Variants in DIXDC1 observed in about 807,000 individuals in gnomAD.
The protein encoded by DIXDC1 is DIX domain containing 1.
A neutral mutation model predicts 103.1 loss-of-function variants in DIXDC1; 64 were observed. The ratio of observed to expected loss-of-function variants is 0.62; its 90% confidence interval spans 0.51 to 0.76. The LOEUF is 0.76. DIXDC1 is among the 30% of genes least tolerant of loss of function. The pLI is 0.00. For missense variants in DIXDC1, 759 were observed against 834.2 expected, an observed-to-expected ratio of 0.91 and a Z score of 1.11; for synonymous variants, 266 against 298.5, an observed-to-expected ratio of 0.89 and a Z score of 1.12.
In DIXDC1 at chr11:111,977,923, C is replaced by T; in HGVS notation, c.657-2814C>T. The T allele has an allele frequency of 1.5e-6, 2 of 1,312,012 alleles. No individual in the cohort carries two copies. The highest frequency in any genetic ancestry group is 2.0e-6 in the Non-Finnish European group (2 of 981,986). The allele number at this position is 1,312,012 out of a possible 1,614,324, so 81.3% of individuals were successfully genotyped here. A position where few individuals can be genotyped will look rare whatever the true frequency, so the allele number is the denominator to read the frequency against. On this transcript the variant is annotated intron_variant, in intron 5 of 19. Transcript: ENST00000440460. This position sits in a 1 kb window ranked among gnomAD's most constrained non-coding sequence, Gnocchi z 6.1. ...TTATGTTGGGAGGACCGGCTGCTGA[C>T]CAGGGGTTATCACTATAAAATACGG...
chr11:111,938,462 T>C (rs587762234), intron 1 of DIXDC1, among the ~76,000 whole-genome samples: 75 of 152,288 alleles, frequency 4.9e-4, no homozygotes, highest in African/African-American at 1.8e-3. Flanking sequence ...ATCTCTCTCT[T>C]TCTTCTCTCT....
chr11:111,986,030 T>G (rs1555173791), intron 8 of DIXDC1, among the ~76,000 whole-genome samples: 1 of 152,132 alleles, frequency 6.6e-6, no homozygotes, highest in Admixed American at 6.6e-5. Flanking sequence ...TTTTACCAGT[T>G]TACATTTCTA....
rs1860292869 is a variant in DIXDC1 at position 111,981,132 on chromosome 11, AG to A, written c.769+284del. Among the ~76,000 whole-genome samples, 7 of 151,420 alleles carry A rather than the reference AG, an allele frequency of 4.6e-5. No homozygotes were observed. In the South Asian group the frequency reaches 1.5e-3, roughly 31 times the overall value. ...AGGAAATGACTTTGGGGCAGTCAAA[AG>A]CCTTACTCAAGTAAACACTTTTATT... On this transcript the variant is annotated intron_variant, in intron 6 of 19. Transcript: ENST00000440460.
At chr11:111,983,713 G>A (rs1264028889) in intron 7 of DIXDC1, among the ~76,000 whole-genome samples, 2 of 152,154 alleles carry the variant, frequency 1.3e-5, no homozygotes, top group Admixed American at 6.5e-5. Context: ...GGAGAAATTC[G>A]ATGGCAGATT....
upstream of DIXDC1, chr11:111,937,126 C>CGG: frequency 1.7e-6 from 1 of 573,320 alleles, no homozygotes; most frequent in Non-Finnish European, 2.0e-6. Context: ...GTGCTGCGGC[C>CGG]CGGGCGGGGG....
At chr11:111,961,991 A>G (rs998284008) in intron 1 of DIXDC1, among the ~76,000 whole-genome samples, 4 of 152,114 alleles carry the variant, frequency 2.6e-5, no homozygotes, top group African/African-American at 4.8e-5. Flanking sequence ...TTAGCACCCT[A>G]TGTACCCCGT....
chr11:111,992,045 T>C (rs782725134), intron 10 of DIXDC1, among the ~76,000 whole-genome samples: 1 of 152,198 alleles, frequency 6.6e-6, no homozygotes, highest in Non-Finnish European at 1.5e-5. Context: ...AAGGCTGACA[T>C]CACAAAAGTA....
intron 1 of DIXDC1, among the ~76,000 whole-genome samples, chr11:111,956,589 A>C (rs1240778259): frequency 1.3e-5 from 2 of 152,144 alleles, no homozygotes; most frequent in Admixed American, 1.3e-4. Flanking sequence ...TCCCAGGTTC[A>C]AGCGATTCTC....
intron 17 of DIXDC1, among the ~76,000 whole-genome samples, chr11:111,996,711 G>A (rs1860912034): frequency 2.6e-5 from 4 of 152,148 alleles, no homozygotes. Flanking sequence ...TTAGCCAGGT[G>A]TGGTGGCACA....
chr11:111,977,646 TC>T lies in DIXDC1; in HGVS notation c.656+2666del, dbSNP rs1860157137. 1.9e-6 allele frequency: 3 copies of T among 1,546,080 alleles called. No homozygotes were observed. The highest frequency in any genetic ancestry group is 1.7e-6 in the Non-Finnish European group (2 of 1,144,820). On this transcript the variant is annotated intron_variant, in intron 5 of 19. Coordinates refer to ENST00000440460, the MANE Select transcript of DIXDC1 (RefSeq NM_001037954.4). The surrounding 1 kb of genome is among the most constrained non-coding windows in gnomAD (Gnocchi z 6.1). The stretch of plus-strand genomic sequence containing the variant: ...GGCCAGTAGCTTTGCTAGCTGGCCT[TC>T]CCGTGGAGGCGTTTTCCAGCCCCAG...
At chr11:111,978,104 A>G (rs1439766175) in intron 5 of DIXDC1, among the ~76,000 whole-genome samples, 1 of 152,136 alleles carries the variant, frequency 6.6e-6, no homozygotes, top group African/African-American at 2.4e-5. Context: ...ATTTGGAAGT[A>G]TCTTTGCTGC....
chr11:111,973,978 A>G (rs587684477), intron 3 of DIXDC1, 45 bp from the exon 4 acceptor site: 3 of 1,592,674 alleles, frequency 1.9e-6, no homozygotes, highest in African/African-American at 2.7e-5. Context: ...CCTCCCTCTT[A>G]GGACCTCTTG....
intron 11 of DIXDC1, 53 bp downstream of exon 11, chr11:111,992,572 C>A: frequency 6.9e-7 from 1 of 1,454,606 alleles, no homozygotes; most frequent in Non-Finnish European, 9.4e-7. Flanking sequence ...GCAGAACAGG[C>A]TACTGCACGA....
chr11:111,993,169 C>T (rs1352109531), intron 12 of DIXDC1, among the ~76,000 whole-genome samples, 165 bp downstream of exon 12: 1 of 152,064 alleles, frequency 6.6e-6, no homozygotes, highest in Non-Finnish European at 1.5e-5. Flanking sequence ...GATGCACTAG[C>T]TCTGAAGAAT....
chr11:111,976,032 C>A lies in DIXDC1; in HGVS notation c.656+1049C>A. The A allele has an allele frequency of 1.9e-6, 1 of 535,448 alleles. No homozygotes were observed. Among genetic ancestry groups the A allele is most frequent in the Non-Finnish European group, 2.4e-6 (1 of 419,110 alleles). The allele number at this position is 535,448 out of a possible 1,614,324, so 33.2% of individuals were successfully genotyped here. A position where few individuals can be genotyped will look rare whatever the true frequency, so the allele number is the denominator to read the frequency against. On this transcript the variant is annotated intron_variant, in intron 5 of 19. Transcript: ENST00000440460. The surrounding 1 kb of genome is among the most constrained non-coding windows in gnomAD (Gnocchi z 4.3). ...CATTTAGTATCTTCATAATGTGGTG[C>A]GACCATCACCTCTATCCACTCAGAA... is the stretch of plus-strand genomic sequence containing the variant.
chr11:112,013,531 C>A (rs181092797), intron 17 of DIXDC1, among the ~76,000 whole-genome samples: 11 of 151,956 alleles, frequency 7.2e-5, no homozygotes, highest in Non-Finnish European at 1.2e-4. Context: ...AATGAGATGA[C>A]GTAATTCATC....
intron 7 of DIXDC1, among the ~76,000 whole-genome samples, chr11:111,984,244 G>A (rs1382005028): frequency 6.6e-6 from 1 of 152,086 alleles, no homozygotes; most frequent in Non-Finnish European, 1.5e-5. Context: ...ACAAAATTAT[G>A]AATATAATAA....
At chr11:111,950,584 T>C (rs1555169883) in intron 1 of DIXDC1, among the ~76,000 whole-genome samples, 1 of 149,562 alleles carries the variant, frequency 6.7e-6, no homozygotes, top group African/African-American at 2.4e-5. Flanking sequence ...GCCTCCCGAG[T>C]AGCTGGGATT....
intron 10 of DIXDC1, among the ~76,000 whole-genome samples, chr11:111,989,984 G>T (rs1471853209): frequency 6.0e-5 from 9 of 150,626 alleles, no homozygotes; most frequent in African/African-American, 2.2e-4. Flanking sequence ...TAGAGACGGG[G>T]TTTCACCGTG....
Sources: gnomAD v4.1 joint callset for allele counts (sites outside exome capture counted in the v4.1 genomes callset) on GRCh38, gnomAD v4.1.1 for gene constraint, Gnocchi (gnomAD v3.1) non-coding constraint, MANE v1.5 for transcripts, NCBI Gene and HGNC (gene_info 2026-07-23, HGNC 2026-07-21) for gene names.